Variants in COL28A1 observed in about 807,000 individuals in gnomAD.
COL28A1 encodes the protein collagen type XXVIII alpha 1 chain, also known as collagen alpha-1(XXVIII) chain.
Under a neutral mutation model 150.2 loss-of-function variants are expected in COL28A1, and 161 were observed. The observed-to-expected ratio is 1.07, with a 90% CI of 0.94 to 1.22. The LOEUF (loss-of-function observed/expected upper bound fraction) is 1.22, where lower values mean the gene tolerates loss of function less well. Among genes scored for constraint, COL28A1 ranks in the 50% most tolerant of loss-of-function variants. The pLI is 0.00. For missense variants in COL28A1, 1,617 were observed against 1,388.3 expected, an observed-to-expected ratio of 1.16 and a Z score of -2.62; for synonymous variants, 552 against 469.7, an observed-to-expected ratio of 1.18 and a Z score of -2.26.
intron 13 of COL28A1, among the ~76,000 whole-genome samples, chr7:7,484,989 GA>G (rs1315971008): frequency 6.6e-6 from 1 of 152,126 alleles, no homozygotes; most frequent in East Asian, 1.9e-4. Flanking sequence ...TGGAGGGTGA[GA>G]AAAGGGTGAG....
At chr7:7,413,161 G>A (rs1254157630) in intron 27 of COL28A1, among the ~76,000 whole-genome samples, 1 of 152,002 alleles carries the variant, frequency 6.6e-6, no homozygotes, top group African/African-American at 2.4e-5. Flanking sequence ...TTGGATAGAG[G>A]TCACCAAATT....
intron 27 of COL28A1, among the ~76,000 whole-genome samples, chr7:7,410,628 T>A (rs1365954236): frequency 6.8e-6 from 1 of 147,962 alleles, no homozygotes; most frequent in Non-Finnish European, 1.5e-5. Flanking sequence ...ACTACCAAGA[T>A]TGGTTTTGTC....
intron 17 of COL28A1, 137 bp from the exon 18 acceptor site, chr7:7,452,524 T>A (rs999889467): frequency 7.7e-7 from 1 of 1,295,370 alleles, no homozygotes; most frequent in African/African-American, 1.5e-5. Context: ...TGAAATCCCT[T>A]CGGGGGATGG....
At chr7:7,351,746 CAT>C (rs925418245), downstream of COL28A1, among the ~76,000 whole-genome samples, 10 of 151,826 alleles carry the variant, frequency 6.6e-5, no homozygotes, top group African/African-American at 2.2e-4. Context: ...AACAAAATGT[CAT>C]GTGTGTGTGT....
In COL28A1 at chr7:7,373,598, T is replaced by C. The variant is rs1333746272; in HGVS notation, c.2360-52A>G. The C allele has an allele frequency of 6.8e-7, 1 of 1,480,316 alleles. No homozygotes were observed. The highest frequency in any genetic ancestry group is 2.3e-5 in the East Asian group (1 of 44,118). The allele number at this position is 1,480,316 out of a possible 1,614,324, so 91.7% of individuals were successfully genotyped here. ...AATTGTGGGAATGATTGACATCAGA[T>C]TGTTGAGGGGAGGGGAGAAAAAGTC... is the stretch of plus-strand genomic sequence containing the variant. On this transcript the variant is annotated intron_variant, in intron 31 of 34. Transcript: ENST00000399429. The surrounding 1 kb of genome is among the most constrained non-coding windows in gnomAD (Gnocchi z 4.1).
intron 11 of COL28A1, among the ~76,000 whole-genome samples, chr7:7,505,485 G>A (rs562764794): frequency 9.9e-5 from 15 of 152,156 alleles, no homozygotes; most frequent in South Asian, 8.3e-4. Flanking sequence ...TTTTTGTTCT[G>A]CGTGGCTTGT....
At chr7:7,392,321 T>C (rs190186808) in intron 27 of COL28A1, among the ~76,000 whole-genome samples, 122 of 152,356 alleles carry the variant, frequency 8.0e-4, no homozygotes, top group Non-Finnish European at 1.5e-3. Context: ...TTCTGGCTTG[T>C]AGGGTTTCTG....
At chr7:7,484,504 T>C (rs1032189734) in intron 13 of COL28A1, among the ~76,000 whole-genome samples, 3 of 152,026 alleles carry the variant, frequency 2.0e-5, no homozygotes, top group Admixed American at 6.6e-5. Context: ...GGTAAATATA[T>C]GGGTAAAACT....
downstream of COL28A1, among the ~76,000 whole-genome samples, chr7:7,357,268 T>G (rs1178775094): frequency 1.3e-5 from 2 of 152,122 alleles, no homozygotes; most frequent in Non-Finnish European, 2.9e-5. Context: ...CAGGCTGTTC[T>G]CAAACTCCTG....
At chr7:7,457,056 C>T (rs1787225543) in intron 15 of COL28A1, among the ~76,000 whole-genome samples, 1 of 152,130 alleles carries the variant, frequency 6.6e-6, no homozygotes, top group South Asian at 2.1e-4. Context: ...CGGGTGGAAC[C>T]ATCTCCATGA....
At chr7:7,519,186 G>A (rs912651554) in intron 6 of COL28A1, among the ~76,000 whole-genome samples, 6 of 152,184 alleles carry the variant, frequency 3.9e-5, no homozygotes, top group African/African-American at 1.4e-4. Flanking sequence ...CAGGAACAAA[G>A]CCACATCTTA....
Position 7,482,967 on chromosome 7 carries a change from C to A in COL28A1, c.1165-5787G>T, listed in dbSNP as rs540355927. Among the ~76,000 whole-genome samples the A allele has an allele frequency of 3.3e-5, 5 of 152,272 alleles. No homozygotes were observed. The South Asian group carries it at 6.2e-4, about 19-fold the overall frequency. Reference sequence around the variant, plus strand: ...CTAGGAAATTTAGAGGGAGGAACAGCAGCAAAGACTTTGGCTCACGCAATG... The same window carrying A: ...CTAGGAAATTTAGAGGGAGGAACAGAAGCAAAGACTTTGGCTCACGCAATG... On this transcript the variant is annotated intron_variant, in intron 13 of 34. Transcript: ENST00000399429.
chr7:7,439,063 C>T lies in COL28A1; in HGVS notation c.1723-1601G>A, dbSNP rs543896189. Reference sequence around the variant, plus strand: ...CTCTAGGTTTTCAGACTGCTGACTACTCCTGCCTCCGTCTGACTCATGTCC... The same window carrying T: ...CTCTAGGTTTTCAGACTGCTGACTATTCCTGCCTCCGTCTGACTCATGTCC... On this transcript the variant is annotated intron_variant, in intron 21 of 34. Coordinates refer to ENST00000399429, the MANE Select transcript of COL28A1 (RefSeq NM_001037763.3). 2.6e-4 allele frequency among the ~76,000 whole-genome samples: 40 copies of T among 152,346 alleles called. No individual in the cohort carries two copies. The South Asian group carries it at 3.9e-3, about 15-fold the overall frequency.
intron 13 of COL28A1, among the ~76,000 whole-genome samples, chr7:7,489,157 G>A (rs1431171895): frequency 6.6e-6 from 1 of 152,104 alleles, no homozygotes; most frequent in Non-Finnish European, 1.5e-5. Context: ...TGTAGTCCCA[G>A]CTAATTAGAG....
chr7:7,467,783 A>G (rs1211887849), intron 15 of COL28A1, among the ~76,000 whole-genome samples: 5 of 123,014 alleles, frequency 4.1e-5, no homozygotes, highest in African/African-American at 1.4e-4. Flanking sequence ...CAATCAAACT[A>G]GAACTCAGGA....
intron 18 of COL28A1, among the ~76,000 whole-genome samples, chr7:7,449,694 A>G (rs930857053): frequency 1.3e-5 from 2 of 152,050 alleles, no homozygotes; most frequent in Non-Finnish European, 2.9e-5. Flanking sequence ...AAAACAAAAC[A>G]AAACAAAAAA....
intron 21 of COL28A1, 127 bp from the exon 22 acceptor site, chr7:7,437,589 C>G: frequency 7.5e-7 from 1 of 1,334,662 alleles, no homozygotes; most frequent in Non-Finnish European, 9.6e-7. Context: ...GTTTCAAAGA[C>G]CAATGTGAAA....
chr7:7,512,259 A>C (rs534464303), intron 8 of COL28A1, among the ~76,000 whole-genome samples: 2 of 152,330 alleles, frequency 1.3e-5, no homozygotes, highest in East Asian at 3.9e-4. Flanking sequence ...AACTAGTTAG[A>C]TAGGAGCAAT....
intron 27 of COL28A1, chr7:7,417,545 GGGGGAGAGAGA>G (rs2128307161): frequency 2.5e-5 from 3 of 119,498 alleles, no homozygotes; most frequent in Non-Finnish European, 4.5e-5. Context: ...AGGGAGGGGG[GGGGGAGAGAGA>G]GAGAGAGAGA....
Sources: gnomAD v4.1 joint callset for allele counts (sites outside exome capture counted in the v4.1 genomes callset) on GRCh38, gnomAD v4.1.1 for gene constraint, Gnocchi (gnomAD v3.1) non-coding constraint, MANE v1.5 for transcripts, NCBI Gene and HGNC (gene_info 2026-07-23, HGNC 2026-07-21) for gene names.